PDS5B: variants seen among roughly 807,000 people sequenced by gnomAD.
PDS5B encodes PDS5 cohesin associated factor B.
Under a neutral mutation model 184.1 loss-of-function variants are expected in PDS5B, and 51 were observed. The ratio of observed to expected loss-of-function variants is 0.28; its 90% confidence interval spans 0.22 to 0.35. The LOEUF is 0.35. Among genes scored for constraint, PDS5B ranks in the 10% least tolerant of loss-of-function variants. The pLI, the probability that PDS5B is intolerant of heterozygous loss-of-function variation, is 1.00. For synonymous variants in PDS5B, 566 were observed against 569.2 expected (o/e 0.99, Z 0.08); for missense variants, 1,180 against 1,723.3 (o/e 0.68, Z 5.58).
chr13:32,720,387 C>T (rs1566370688), intron 19 of PDS5B, among the ~76,000 whole-genome samples: 1 of 152,012 alleles, frequency 6.6e-6, no homozygotes, highest in East Asian at 1.9e-4. Flanking sequence ...TAGTTTTTGG[C>T]TCTGCACTTT....
rs185097469 is a variant in PDS5B, at chr13:32,596,118, C to T, written c.-20+9525C>T. Among the ~76,000 whole-genome samples, 24 of 152,132 alleles carry T rather than the reference C, an allele frequency of 1.6e-4. No homozygotes were observed. The East Asian group carries it at 4.6e-3, about 29-fold the overall frequency. On this transcript the variant is annotated intron_variant, in intron 1 of 34. Transcript: ENST00000315596. Reference sequence around the variant, plus strand: ...GTAAAATGTGCAGATCTTAGCTGTTCACTTTGATGAGGTGTGATGATTATA... The same window carrying T: ...GTAAAATGTGCAGATCTTAGCTGTTTACTTTGATGAGGTGTGATGATTATA...
At chr13:32,672,239 T>C (rs1950956819) in intron 7 of PDS5B, among the ~76,000 whole-genome samples, 1 of 152,030 alleles carries the variant, frequency 6.6e-6, no homozygotes. Context: ...TCTATGAAAA[T>C]GTAAGAAGGC....
rs1482711914 is a variant in PDS5B, at chr13:32,675,838, T to C, written c.847-6T>C. 2.6e-6 allele frequency: 4 copies of C among 1,556,238 alleles called. No homozygotes were observed. In the Admixed American group the frequency reaches 6.7e-5, roughly 26 times the overall value. ...GTTTTAAAGCTGTGATTGTGTTTTA[T>C]TTTAGAGCAATGATAATGAGGAGCG... is the stretch of plus-strand genomic sequence containing the variant. On this transcript the variant is annotated splice_polypyrimidine_tract_variant and splice_region_variant and intron_variant, in intron 8 of 34. Transcript: ENST00000315596.
At chr13:32,653,627 A>G (rs1341157771) in intron 3 of PDS5B, among the ~76,000 whole-genome samples, 9 of 152,206 alleles carry the variant, frequency 5.9e-5, no homozygotes, top group Non-Finnish European at 4.4e-5. Flanking sequence ...GTAGAGGGCA[A>G]TATTTGTCAT....
chr13:32,751,701 T>C (rs746725442), intron 24 of PDS5B, among the ~76,000 whole-genome samples: 55 of 152,204 alleles, frequency 3.6e-4, no homozygotes, highest in Non-Finnish European at 6.5e-4. Context: ...AATGGAGTTG[T>C]TTGGTTTTTG....
intron 21 of PDS5B, among the ~76,000 whole-genome samples, chr13:32,739,951 G>A (rs1953481721): frequency 6.6e-6 from 1 of 151,852 alleles, no homozygotes; most frequent in African/African-American, 2.4e-5. Flanking sequence ...GTTGTTTCTG[G>A]TAGTATCTGA....
chr13:32,753,183 A>G, intron 24 of PDS5B, 149 bp from the exon 25 acceptor site: 1 of 587,186 alleles, frequency 1.7e-6, no homozygotes, highest in Non-Finnish European at 3.0e-6. Flanking sequence ...AACTTTAGTC[A>G]CAACATCTCA....
intron 19 of PDS5B, among the ~76,000 whole-genome samples, chr13:32,715,646 T>G (rs1027150007): frequency 1.3e-5 from 2 of 151,104 alleles, no homozygotes; most frequent in Non-Finnish European, 2.9e-5. Context: ...CCTCTCCCTA[T>G]CCCTCTCCCT....
At chr13:32,716,842 T>TGGG (rs1240142196) in intron 19 of PDS5B, among the ~76,000 whole-genome samples, 6 of 75,378 alleles carry the variant, frequency 8.0e-5, no homozygotes, top group Non-Finnish European at 1.2e-4. Flanking sequence ...GGAGGGAGGT[T>TGGG]GGGGGGTCAG....
intron 1 of PDS5B, among the ~76,000 whole-genome samples, chr13:32,591,738 T>A (rs2057778902): frequency 6.6e-6 from 1 of 152,094 alleles, no homozygotes; most frequent in Admixed American, 6.5e-5. Context: ...TATATGCTTA[T>A]TAGGGGGAGG....
chr13:32,766,092 C>T (rs575459098), intron 31 of PDS5B, among the ~76,000 whole-genome samples: 2 of 152,320 alleles, frequency 1.3e-5, no homozygotes, highest in East Asian at 1.9e-4. Flanking sequence ...TCTTAGTTCT[C>T]ACTTACTGCA....
intron 1 of PDS5B, among the ~76,000 whole-genome samples, chr13:32,597,616 G>C (rs1169408219): frequency 1.3e-5 from 2 of 151,840 alleles, no homozygotes; most frequent in Non-Finnish European, 2.9e-5. Context: ...GGCGGCAGGG[G>C]GTGCGGGGGT....
At chr13:32,764,382 G>GA (rs1270323679) in intron 30 of PDS5B, 107 bp from the exon 31 acceptor site, 1 of 538,182 alleles carries the variant, frequency 1.9e-6, no homozygotes, top group Non-Finnish European at 3.0e-6. Context: ...ATTCATTTTT[G>GA]AAAAGAACGA....
intron 1 of PDS5B, among the ~76,000 whole-genome samples, chr13:32,645,118 C>T (rs1479693777): frequency 6.6e-6 from 1 of 152,050 alleles, no homozygotes; most frequent in Non-Finnish European, 1.5e-5. Flanking sequence ...CTCAAGTGAT[C>T]TTGTCACCTC....
chr13:32,728,388 G>A (rs544182630), intron 19 of PDS5B, among the ~76,000 whole-genome samples: 2 of 152,172 alleles, frequency 1.3e-5, no homozygotes, highest in South Asian at 4.2e-4. Context: ...CGCCCTGTTT[G>A]TGTTGAGGGA....
chr13:32,710,355 T>TA (rs1365579977), intron 19 of PDS5B, among the ~76,000 whole-genome samples: 2 of 152,176 alleles, frequency 1.3e-5, no homozygotes, highest in Non-Finnish European at 2.9e-5. Flanking sequence ...CCTGGTATAT[T>TA]ATGGCATAGA....
At position 32,651,897 on chromosome 13, in the gene PDS5B, T is replaced by G. The variant is rs1302181938; in HGVS notation, c.202T>G (p.Phe68Val). 1.2e-6 allele frequency: 2 copies of G among 1,613,210 alleles called. No individual in the cohort carries two copies. The highest frequency in any genetic ancestry group is 1.7e-6 in the Non-Finnish European group (2 of 1,179,210). The change falls in exon 3 of 35, where the codon TTT becomes GTT. Residue 68 changes from phenylalanine to valine, a missense_variant. This residue lies in a region of PDS5B where 22 missense variants were observed against 79.3 expected (regional missense o/e 0.28). Coordinates refer to ENST00000315596, the MANE Select transcript of PDS5B (RefSeq NM_015032.4). ...NLALHLASDF[F>V]LKHPDKDVRL... The stretch of plus-strand genomic sequence containing the variant: ...AGCTTTACATCTTGCTTCAGATTTT[T>G]TTCTCAAGCATCCTGATAAAGATGT...
chr13:32,746,204 T>G (rs1953736370), intron 24 of PDS5B, 104 bp downstream of exon 24: 1 of 1,016,474 alleles, frequency 9.8e-7, no homozygotes, highest in East Asian at 2.4e-5. Context: ...TGTGTATGGT[T>G]TGTTTGTTTC....
intron 19 of PDS5B, among the ~76,000 whole-genome samples, chr13:32,714,245 A>G (rs1352444293): frequency 6.6e-6 from 1 of 152,216 alleles, no homozygotes; most frequent in East Asian, 1.9e-4. Flanking sequence ...CACCATTGTC[A>G]CTGATAACAT....
Sources: gnomAD v4.1 joint callset for allele counts (sites outside exome capture counted in the v4.1 genomes callset) on GRCh38, gnomAD v4.1.1 for gene constraint, gnomAD v4.1.1 regional missense constraint, MANE v1.5 for transcripts, NCBI Gene and HGNC (gene_info 2026-07-23, HGNC 2026-07-21) for gene names.